The following CPED1 variants were observed in gnomAD, a reference collection of about 807,000 sequenced individuals.
The protein encoded by CPED1 is cadherin like and PC-esterase domain containing 1, also known as cadherin-like and PC-esterase domain-containing protein 1.
CPED1 carries 114 observed loss-of-function variants against 128.2 expected under a neutral mutation model. That is an observed-to-expected ratio of 0.89 (90% CI 0.76 to 1.04). CPED1 has a LOEUF of 1.04. Among genes scored for constraint, CPED1 ranks in the 50% least tolerant of loss-of-function variants. CPED1 has a pLI of 0.00. For synonymous variants in CPED1, 462 were observed against 426.7 expected, an observed-to-expected ratio of 1.08 and a Z score of -1.02; for missense variants, 1,211 against 1,207.1, an observed-to-expected ratio of 1.00 and a Z score of -0.05.
At chr7:121,249,025 CATA>C (rs1798605769) in intron 18 of CPED1, among the ~76,000 whole-genome samples, 1 of 152,038 alleles carries the variant, frequency 6.6e-6, no homozygotes, top group Non-Finnish European at 1.5e-5. Flanking sequence ...GTAAGAATTT[CATA>C]ATACAATCAG....
At chr7:121,105,387 AG>A (rs1794950232) in intron 7 of CPED1, among the ~76,000 whole-genome samples, 1 of 152,114 alleles carries the variant, frequency 6.6e-6, no homozygotes, top group African/African-American at 2.4e-5. Context: ...TTTCAACCTT[AG>A]GAAGTGTTCT....
rs183675385 is a variant in CPED1 at position 121,109,285 on chromosome 7, T to C, written c.918+9191T>C. ...TTTTGTTAGATCTCTATGGAGCGTCTGCCTATAGGGCGGTCATTCTCTCAT... is the reference window on the plus strand; with the variant it reads ...TTTTGTTAGATCTCTATGGAGCGTCCGCCTATAGGGCGGTCATTCTCTCAT... On this transcript the variant is annotated intron_variant, in intron 7 of 22. Transcript: ENST00000310396. 9.7e-4 allele frequency among the ~76,000 whole-genome samples: 147 copies of C among 152,304 alleles called. 1 individual carries two copies. The highest frequency in any genetic ancestry group is 3.5e-3 in the African/African-American group (144 of 41,582).
At chr7:121,212,932 C>T (rs1797679364) in intron 16 of CPED1, among the ~76,000 whole-genome samples, 1 of 151,932 alleles carries the variant, frequency 6.6e-6, no homozygotes, top group Non-Finnish European at 1.5e-5. Context: ...ATGAGTGACC[C>T]TGCATGAAGT....
intron 14 of CPED1, among the ~76,000 whole-genome samples, chr7:121,140,350 A>G (rs550230470): frequency 6.6e-6 from 1 of 152,092 alleles, no homozygotes; most frequent in South Asian, 2.1e-4. Context: ...TCTTTGCCCC[A>G]CACTGCCTAT....
chr7:121,010,697 C>T (rs1227031260), intron 2 of CPED1, among the ~76,000 whole-genome samples: 1 of 152,128 alleles, frequency 6.6e-6, no homozygotes, highest in Non-Finnish European at 1.5e-5. Context: ...AGAAGATGCT[C>T]AGTGATCTGG....
chr7:121,171,558 C>T (rs1796649450), intron 16 of CPED1, among the ~76,000 whole-genome samples: 1 of 152,186 alleles, frequency 6.6e-6, no homozygotes, highest in South Asian at 2.1e-4. Context: ...CCAACATCTC[C>T]TGAGCCTGTT....
chr7:121,244,292 G>T lies in CPED1; in HGVS notation c.2264G>T (p.Gly755Val). The change falls in exon 18 of 23, where the codon GGT (glycine) becomes GTT (valine). Residue 755 changes from glycine (G) to valine (V), a missense_variant. By Grantham distance (109) the Gly-to-Val change is moderately radical. Coordinates refer to ENST00000310396, the MANE Select transcript of CPED1 (RefSeq NM_024913.5). ...ITWQPHNCQY[G>V]VLTKPQLQQC... ...TGGCAGCCCCACAACTGCCAATATG[G>T]TGTCCTAACTAAGCCTCAACTCCAG... The T allele has an allele frequency of 1.2e-6, 2 of 1,614,132 alleles. No individual in the cohort carries two copies. Among genetic ancestry groups the T allele is most frequent in the East Asian group, 4.5e-5 (2 of 44,880 alleles).
At chr7:121,024,727 T>C (rs1792531443) in intron 3 of CPED1, among the ~76,000 whole-genome samples, 2 of 152,196 alleles carry the variant, frequency 1.3e-5, no homozygotes, top group Admixed American at 6.5e-5. Flanking sequence ...GAAAAGAAAT[T>C]AGACATTTTT....
chr7:121,193,938 T>C (rs767665550), intron 16 of CPED1, among the ~76,000 whole-genome samples: 2 of 150,212 alleles, frequency 1.3e-5, no homozygotes, highest in Middle Eastern at 3.5e-3. Context: ...TAGAAATTAA[T>C]ATCTGTGGAC....
intron 16 of CPED1, among the ~76,000 whole-genome samples, chr7:121,225,262 G>T (rs1480583155): frequency 6.6e-6 from 1 of 152,072 alleles, no homozygotes; most frequent in African/African-American, 2.4e-5. Context: ...TGAAATTCTG[G>T]GTTGCAAATT....
intron 21 of CPED1, among the ~76,000 whole-genome samples, chr7:121,268,437 C>T (rs553024641): frequency 3.9e-5 from 6 of 152,052 alleles, no homozygotes; most frequent in African/African-American, 1.4e-4. Flanking sequence ...TGATGGTGCT[C>T]ATCAATCTTT....
chr7:121,190,118 AAGTC>A (rs1797101670), intron 16 of CPED1, among the ~76,000 whole-genome samples: 1 of 152,018 alleles, frequency 6.6e-6, no homozygotes, highest in East Asian at 1.9e-4. Context: ...ACAAGATAAA[AAGTC>A]AGAGAATGAG....
In CPED1 at chr7:121,146,213, C is replaced by T. The variant is rs150206258; in HGVS notation, c.2055+4072C>T. Among the ~76,000 whole-genome samples the T allele has an allele frequency of 3.0e-3, 457 of 151,912 alleles. 2 individuals are homozygous for T. The highest frequency in any genetic ancestry group is 0.01 in the African/African-American group (435 of 41,438). ...GTGCTGCATCCTCACATGGTGGAAG[C>T]GGGAAATGAGCAAAAAGGGAAAATT... On this transcript the variant is annotated intron_variant, in intron 16 of 22. Transcript: ENST00000310396.
intron 3 of CPED1, among the ~76,000 whole-genome samples, chr7:121,024,163 G>C (rs1188170016): frequency 1.3e-5 from 2 of 152,044 alleles, no homozygotes; most frequent in African/African-American, 4.8e-5. Flanking sequence ...AACAGAATTC[G>C]TTCTTTAATT....
At chr7:121,225,041 GT>G (rs561200366) in intron 16 of CPED1, among the ~76,000 whole-genome samples, 2 of 152,102 alleles carry the variant, frequency 1.3e-5, no homozygotes, top group East Asian at 3.9e-4. Context: ...TATTTTGCCT[GT>G]TAATTGATGC....
In CPED1 at chr7:121,295,752, A is replaced by G. The variant is rs1331221525; in HGVS notation, c.*100A>G. 2.2e-6 allele frequency: 2 copies of G among 911,502 alleles called. No homozygotes were observed. Among genetic ancestry groups the G allele is most frequent in the Non-Finnish European group, 3.5e-6 (2 of 572,410 alleles). The allele number at this position is 911,502 out of a possible 1,614,324, so 56.5% of individuals were successfully genotyped here. On this transcript the variant is annotated 3_prime_UTR_variant, in exon 23 of 23. Transcript: ENST00000310396. The stretch of plus-strand genomic sequence containing the variant: ...TGCACATCGCACACATTTGGGATCG[A>G]CCACACACACTTGTGCACACCAGCA...
chr7:121,010,120 T>C (rs1792121692), intron 2 of CPED1, among the ~76,000 whole-genome samples: 1 of 152,184 alleles, frequency 6.6e-6, no homozygotes, highest in Non-Finnish European at 1.5e-5. Context: ...AAACAAATAA[T>C]ATATAGTTAT....
chr7:121,032,361 G>A (rs933346992), intron 3 of CPED1, among the ~76,000 whole-genome samples: 27 of 152,036 alleles, frequency 1.8e-4, no homozygotes, highest in Non-Finnish European at 7.4e-5. Flanking sequence ...AGACTAAATG[G>A]AACTATGATT....
At chr7:121,014,845 C>G (rs1441740721) in intron 2 of CPED1, among the ~76,000 whole-genome samples, 1 of 152,138 alleles carries the variant, frequency 6.6e-6, no homozygotes, top group East Asian at 1.9e-4. Context: ...CCAATCTCAT[C>G]ACTCCTTCTA....
Sources: allele counts gnomAD v4.1 joint callset (sites outside exome capture counted in the v4.1 genomes callset), GRCh38; gene constraint gnomAD v4.1.1; transcripts MANE v1.5; gene names NCBI Gene and HGNC (gene_info 2026-07-23, HGNC 2026-07-21).